Variants in CDH13 observed in about 807,000 individuals in gnomAD.
The protein encoded by CDH13 is cadherin-13.
A neutral mutation model predicts 63.8 loss-of-function variants in CDH13; 24 were observed. The observed-to-expected ratio is 0.38, with a 90% CI of 0.27 to 0.53. The LOEUF (loss-of-function observed/expected upper bound fraction) is 0.53, where lower values mean the gene tolerates loss of function less well. CDH13 is among the 20% of genes least tolerant of loss of function. CDH13 has a pLI of 0.85. For missense variants in CDH13, 1,049 were observed against 903.1 expected (o/e 1.16, Z -2.07); for synonymous variants, 503 against 355.3 (o/e 1.42, Z -4.67).
chr16:83,539,569 G>T (rs1334849008), intron 7 of CDH13, among the ~76,000 whole-genome samples: 3 of 152,212 alleles, frequency 2.0e-5, no homozygotes, highest in Non-Finnish European at 4.4e-5. Context: ...ACAGGAGAAG[G>T]CACAGAGATG....
intron 7 of CDH13, among the ~76,000 whole-genome samples, chr16:83,510,630 G>T (rs2074534648): frequency 6.6e-6 from 1 of 152,152 alleles, no homozygotes; most frequent in Admixed American, 6.5e-5. Flanking sequence ...AGGAGACCCA[G>T]GGATCAAGAC....
chr16:82,812,038 A>T (rs1164769880), intron 1 of CDH13, among the ~76,000 whole-genome samples: 1 of 152,068 alleles, frequency 6.6e-6, no homozygotes, highest in Non-Finnish European at 1.5e-5. Context: ...TTACGAAGGG[A>T]TGTTATTCTT....
chr16:83,659,785 CTTTTTTT>C (rs35285231), intron 8 of CDH13, among the ~76,000 whole-genome samples: 1 of 122,940 alleles, frequency 8.1e-6, no homozygotes, highest in Non-Finnish European at 1.7e-5. Flanking sequence ...AGTCCACAAC[CTTTTTTT>C]TTTTTTTTTT....
At chr16:83,062,342 T>C (rs942267155) in intron 3 of CDH13, among the ~76,000 whole-genome samples, 2 of 152,242 alleles carry the variant, frequency 1.3e-5, no homozygotes, top group Non-Finnish European at 2.9e-5. Flanking sequence ...GTTTCTTTTT[T>C]TGTTTTTTGT....
At chr16:82,794,499 G>A (rs957444357) in intron 1 of CDH13, among the ~76,000 whole-genome samples, 1 of 151,236 alleles carries the variant, frequency 6.6e-6, no homozygotes, top group Non-Finnish European at 1.5e-5. Context: ...AGAGACCAAC[G>A]GCTAGGAATA....
intron 2 of CDH13, among the ~76,000 whole-genome samples, chr16:83,009,449 C>G (rs994813265): frequency 1.3e-5 from 2 of 152,158 alleles, no homozygotes; most frequent in African/African-American, 2.4e-5. Context: ...GTAATGGATG[C>G]TTTACATTCT....
At chr16:82,762,928 A>G (rs2034908648) in intron 1 of CDH13, among the ~76,000 whole-genome samples, 1 of 152,206 alleles carries the variant, frequency 6.6e-6, no homozygotes, top group Non-Finnish European at 1.5e-5. Flanking sequence ...TAGGAAAGAT[A>G]ATTATCTCCT....
intron 5 of CDH13, among the ~76,000 whole-genome samples, chr16:83,244,458 C>T (rs151234351): frequency 6.6e-6 from 1 of 152,186 alleles, no homozygotes; most frequent in African/African-American, 2.4e-5. Flanking sequence ...GCCATCTTAT[C>T]TGTCAGAAAC....
chr16:83,329,223 G>C (rs953215979), intron 5 of CDH13, among the ~76,000 whole-genome samples: 2 of 152,010 alleles, frequency 1.3e-5, no homozygotes, highest in Non-Finnish European at 2.9e-5. Flanking sequence ...AGGGTTTCTT[G>C]TTTTGTTTTG....
At chr16:82,821,086 G>T (rs371704127) in intron 1 of CDH13, among the ~76,000 whole-genome samples, 1 of 152,092 alleles carries the variant, frequency 6.6e-6, no homozygotes, top group Non-Finnish European at 1.5e-5. Context: ...GGGCTCCTGT[G>T]GAAGCTTGCA....
chr16:82,756,182 C>T (rs753584007), intron 1 of CDH13, among the ~76,000 whole-genome samples: 7 of 152,040 alleles, frequency 4.6e-5, no homozygotes, highest in Non-Finnish European at 1.0e-4. Context: ...GCTAGGGTTA[C>T]CTAACCAACA....
chr16:83,432,069 C>T (rs2072132028), intron 6 of CDH13, among the ~76,000 whole-genome samples: 1 of 152,092 alleles, frequency 6.6e-6, no homozygotes, highest in Non-Finnish European at 1.5e-5. Context: ...TCTGCAATTA[C>T]CCAGACCCAA....
chr16:83,519,527 A>G (rs1018416603), intron 7 of CDH13, among the ~76,000 whole-genome samples: 3 of 152,252 alleles, frequency 2.0e-5, no homozygotes, highest in African/African-American at 7.2e-5. Context: ...AAAATTAGCC[A>G]CTTTAACTAT....
At chr16:83,785,476 TA>T (rs1344841267) in intron 13 of CDH13, among the ~76,000 whole-genome samples, 1 of 152,166 alleles carries the variant, frequency 6.6e-6, no homozygotes, top group Non-Finnish European at 1.5e-5. Flanking sequence ...TTTCAGCATA[TA>T]AACTTTGGAG....
At chr16:82,814,579 G>T (rs1245389147) in intron 1 of CDH13, among the ~76,000 whole-genome samples, 2 of 152,176 alleles carry the variant, frequency 1.3e-5, no homozygotes, top group Non-Finnish European at 2.9e-5. Flanking sequence ...AGAGGGCATG[G>T]AAGCTCTGCA....
At chr16:82,714,949 C>T (rs1358224344) in intron 1 of CDH13, among the ~76,000 whole-genome samples, 2 of 117,948 alleles carry the variant, frequency 1.7e-5, no homozygotes, top group Admixed American at 1.1e-4. Flanking sequence ...TGAGCGATCA[C>T]ATTTCTCTTG....
At chr16:83,125,570 T>C in intron 4 of CDH13, 69 bp downstream of exon 4, 2 of 814,014 alleles carry the variant, frequency 2.5e-6, no homozygotes, top group South Asian at 3.1e-5. Context: ...AGACTGAGTA[T>C]GACTGTCTTG....
chr16:82,962,551 G>A (rs1296719871), intron 2 of CDH13, among the ~76,000 whole-genome samples: 1 of 152,156 alleles, frequency 6.6e-6, no homozygotes, highest in Non-Finnish European at 1.5e-5. Flanking sequence ...GAAGGGATAG[G>A]ATGCATGCAA....
At chr16:83,347,922 T>TACA in intron 6 of CDH13, among the ~76,000 whole-genome samples, 1 of 152,036 alleles carries the variant, frequency 6.6e-6, no homozygotes, top group South Asian at 2.1e-4. Context: ...CTGGGTGGAG[T>TACA]GGCTCAAGCC....
Sources: allele counts gnomAD v4.1 joint callset (sites outside exome capture counted in the v4.1 genomes callset), GRCh38; gene constraint gnomAD v4.1.1; transcripts MANE v1.5; gene names NCBI Gene and HGNC (gene_info 2026-07-23, HGNC 2026-07-21).